The following C1QTNF3 variants were observed in gnomAD, a reference collection of about 807,000 sequenced individuals.
The protein encoded by C1QTNF3 is complement C1q tumor necrosis factor-related protein 3.
Under a neutral mutation model 32.6 loss-of-function variants are expected in C1QTNF3, and 26 were observed. That is an observed-to-expected ratio of 0.80 (90% confidence interval 0.58 to 1.11). The LOEUF (loss-of-function observed/expected upper bound fraction) is 1.11, where lower values mean the gene tolerates loss of function less well. Among genes scored for constraint, C1QTNF3 ranks in the 50% least tolerant of loss-of-function variants. C1QTNF3 has a pLI of 0.00. For synonymous variants in C1QTNF3, 155 were observed against 146.0 expected (o/e 1.06, Z -0.44); for missense variants, 362 against 398.2 (o/e 0.91, Z 0.77).
chr5:34,115,037 CTTTT>C, the C1QTNF3 span, among the ~76,000 whole-genome samples: 2 of 151,044 alleles, frequency 1.3e-5, no homozygotes, highest in African/African-American at 2.4e-5. Context: ...CTTTGTTCAA[CTTTT>C]TTTTTATTTG....
At chr5:34,034,308 T>C (rs1384231495) in intron 2 of C1QTNF3, among the ~76,000 whole-genome samples, 2 of 152,260 alleles carry the variant, frequency 1.3e-5, no homozygotes, top group Non-Finnish European at 2.9e-5. Flanking sequence ...CTTTTCTAAA[T>C]GTGGAACATG....
At chr5:34,160,772 C>T in the C1QTNF3 span, among the ~76,000 whole-genome samples, 3 of 151,730 alleles carry the variant, frequency 2.0e-5, no homozygotes, top group Non-Finnish European at 4.4e-5. Context: ...AATCCCTGAC[C>T]CATGACAGAC....
At chr5:34,153,870 A>C in the C1QTNF3 span, among the ~76,000 whole-genome samples, 13 of 150,430 alleles carry the variant, frequency 8.6e-5, no homozygotes, top group Admixed American at 2.0e-4. Flanking sequence ...AAAAAAAAAA[A>C]AAAAACAAAA....
the C1QTNF3 span, among the ~76,000 whole-genome samples, chr5:34,213,810 T>TATATA: frequency 0.027 from 364 of 13,636 alleles, 15 homozygotes; most frequent in African/African-American, 0.064. Flanking sequence ...TATATATATA[T>TATATA]TTTTTTTTTT....
At chr5:34,087,423 A>G in the C1QTNF3 span, among the ~76,000 whole-genome samples, 1 of 152,210 alleles carries the variant, frequency 6.6e-6, no homozygotes, top group South Asian at 2.1e-4. Flanking sequence ...TGTCAAAAAG[A>G]AAATGACTTC....
At chr5:34,023,135 G>A (rs1754381220) in intron 5 of C1QTNF3, among the ~76,000 whole-genome samples, 3 of 152,272 alleles carry the variant, frequency 2.0e-5, no homozygotes, top group Non-Finnish European at 2.9e-5. Context: ...GATTACAGGC[G>A]TGAGCCACCG....
the C1QTNF3 span, chr5:34,166,817 T>C: frequency 2.0e-5 from 3 of 152,126 alleles, no homozygotes; most frequent in Admixed American, 6.6e-5. Context: ...GTGAGAGTTA[T>C]GATCGGTTAC....
the C1QTNF3 span, among the ~76,000 whole-genome samples, chr5:34,071,402 A>G: frequency 1.3e-5 from 2 of 152,190 alleles, no homozygotes; most frequent in African/African-American, 4.8e-5. Context: ...ACAAATTAAT[A>G]GATGTTTTTC....
At chr5:34,147,628 C>A in the C1QTNF3 span, among the ~76,000 whole-genome samples, 1 of 151,632 alleles carries the variant, frequency 6.6e-6, no homozygotes, top group Non-Finnish European at 1.5e-5. Flanking sequence ...CACACATGGG[C>A]ATAAACATGG....
At chr5:34,068,894 T>C in the C1QTNF3 span, among the ~76,000 whole-genome samples, 1 of 152,176 alleles carries the variant, frequency 6.6e-6, no homozygotes, top group African/African-American at 2.4e-5. Flanking sequence ...TGATTAGTTA[T>C]AGATATCCAT....
chr5:34,019,363 A>G lies in C1QTNF3; in HGVS notation c.*1220T>C, dbSNP rs1754271069. On this transcript the variant is annotated 3_prime_UTR_variant, in exon 6 of 6. Coordinates refer to ENST00000382065, the MANE Select transcript of C1QTNF3 (RefSeq NM_181435.6). ...ACACACCTGGGACTTGTTGCCTACA[A>G]CCAAACCTTGTGTGTCACTAAGGTG... 6.6e-6 allele frequency: 1 copy of G among 152,236 alleles called. No individual in the cohort carries two copies. Among genetic ancestry groups the G allele is most frequent in the Admixed American group, 6.5e-5 (1 of 15,288 alleles). 9.4% of individuals were successfully genotyped at this position (152,236 alleles called of 1,614,324 possible). A position where few individuals can be genotyped will look rare whatever the true frequency, so the allele number is the denominator to read the frequency against.
At chr5:34,207,721 T>C in the C1QTNF3 span, among the ~76,000 whole-genome samples, 1 of 152,084 alleles carries the variant, frequency 6.6e-6, no homozygotes, top group Non-Finnish European at 1.5e-5. Context: ...TTCCAAACAA[T>C]GGCTTGATAA....
At chr5:34,124,445 C>T in the C1QTNF3 span, 2 of 716,606 alleles carry the variant, frequency 2.8e-6, no homozygotes, top group Non-Finnish European at 5.2e-6. Context: ...TCAGGGAGCT[C>T]TTAGTCATGG....
At chr5:34,065,858 T>C in the C1QTNF3 span, among the ~76,000 whole-genome samples, 6 of 152,182 alleles carry the variant, frequency 3.9e-5, no homozygotes, top group Admixed American at 1.3e-4. Context: ...CAGATCATTA[T>C]ACCAAAAAGA....
In C1QTNF3 at chr5:34,018,474, T is replaced by C. The variant is rs1437710324; in HGVS notation, c.*2109A>G. Among the ~76,000 whole-genome samples, 6 of 152,180 alleles carry C rather than the reference T, an allele frequency of 3.9e-5. No individual in the cohort carries two copies. Among genetic ancestry groups the C allele is most frequent in the Non-Finnish European group, 8.8e-5 (6 of 68,028 alleles). ...CTTTAGCCTATTGTCCTCTACTAGG[T>C]TGAAAAATTAGGGAAGGTAAGAATT... On this transcript the variant is annotated 3_prime_UTR_variant, in exon 6 of 6. Coordinates refer to ENST00000382065, the MANE Select transcript of C1QTNF3 (RefSeq NM_181435.6).
chr5:34,093,711 C>T, the C1QTNF3 span, among the ~76,000 whole-genome samples: 1 of 150,186 alleles, frequency 6.7e-6, no homozygotes, highest in Admixed American at 6.7e-5. Flanking sequence ...ATATACCTAC[C>T]CTAGCCTAAT....
chr5:34,103,282 G>GT, the C1QTNF3 span, among the ~76,000 whole-genome samples: 114 of 150,874 alleles, frequency 7.6e-4, 1 homozygote, highest in South Asian at 5.7e-3. Context: ...ATTTGTGTGT[G>GT]TTTTTTTTTA....
chr5:34,218,243 T>C, the C1QTNF3 span: 10 of 152,310 alleles, frequency 6.6e-5, no homozygotes, highest in African/African-American at 2.4e-4. Flanking sequence ...AATAGAATCA[T>C]AGCAGAAGTA....
the C1QTNF3 span, among the ~76,000 whole-genome samples, chr5:34,172,372 A>G: frequency 1.7e-5 from 2 of 116,418 alleles, no homozygotes; most frequent in Admixed American, 2.7e-4. Flanking sequence ...ACACTCACCT[A>G]TTTTTAGACC....
Sources: gnomAD v4.1 joint callset for allele counts (sites outside exome capture counted in the v4.1 genomes callset) on GRCh38, gnomAD v4.1.1 for gene constraint, MANE v1.5 for transcripts, NCBI Gene and HGNC (gene_info 2026-07-23, HGNC 2026-07-21) for gene names.